MYO9B: variants seen among roughly 807,000 people sequenced by gnomAD.
MYO9B encodes unconventional myosin-IXb.
Under a neutral mutation model 229.5 loss-of-function variants are expected in MYO9B, and 71 were observed. The ratio of observed to expected loss-of-function variants is 0.31; its 90% CI spans 0.26 to 0.38. The LOEUF (loss-of-function observed/expected upper bound fraction) is 0.38, where lower values mean the gene tolerates loss of function less well. Ranked by LOEUF, MYO9B falls within the 10% of genes least tolerant of loss-of-function variation. MYO9B has a pLI of 1.00. For missense variants in MYO9B, 2,255 were observed against 2,920.5 expected (o/e 0.77, Z 5.25); for synonymous variants, 1,185 against 1,235.8 (o/e 0.96, Z 0.86).
At chr19:17,093,703 G>GCA (rs2057661323) in intron 1 of MYO9B, among the ~76,000 whole-genome samples, 14 of 128,540 alleles carry the variant, frequency 1.1e-4, no homozygotes, top group Admixed American at 9.4e-4. Flanking sequence ...TGGGGGGGGG[G>GCA]GTGGTTTGAG....
chr19:17,144,690 CA>C (rs1051970703), intron 2 of MYO9B, among the ~76,000 whole-genome samples: 8 of 151,044 alleles, frequency 5.3e-5, no homozygotes, highest in Admixed American at 2.0e-4. Context: ...AATAAGAGAC[CA>C]GGGGTGGTGG....
intron 19 of MYO9B, among the ~76,000 whole-genome samples, 171 bp downstream of exon 19, chr19:17,188,216 G>A (rs948445075): frequency 5.9e-5 from 9 of 151,792 alleles, no homozygotes; most frequent in East Asian, 3.9e-4. Context: ...ATCACCTGAG[G>A]TCAAGAGTTC....
chr19:17,195,110 G>A lies in MYO9B; in HGVS notation c.3683G>A (p.Gly1228Asp), dbSNP rs1337175887. 2 of 1,612,630 alleles carry A rather than the reference G, an allele frequency of 1.2e-6. No homozygotes were observed. The highest frequency in any genetic ancestry group is 1.7e-6 in the Non-Finnish European group (2 of 1,179,770). The change falls in exon 22 of 40, where the codon GGC becomes GAC. Residue 1228 changes from glycine to aspartate, a missense_variant. Physicochemically the swap from Gly to Asp is moderately conservative, Grantham distance 94. This residue lies in a region of MYO9B where 679 missense variants were observed against 770.2 expected (regional missense o/e 0.88). Transcript: ENST00000682292. This position sits in a 1 kb window ranked among gnomAD's most constrained non-coding sequence, Gnocchi z 4.5. ...PTEQPQAMAV[G>D]KVSEETEKTL... Reference sequence around the variant, plus strand: ...GAGCAACCCCAGGCCATGGCAGTTGGCAAGGTCTCTGAAGAAACTGAGAAG... The same window carrying A: ...GAGCAACCCCAGGCCATGGCAGTTGACAAGGTCTCTGAAGAAACTGAGAAG...
chr19:17,110,190 CG>C (rs1833757345), intron 2 of MYO9B, among the ~76,000 whole-genome samples: 2 of 152,192 alleles, frequency 1.3e-5, no homozygotes, highest in South Asian at 4.1e-4. Flanking sequence ...CCCCGCCCCC[CG>C]CGAGGGTTGC....
intron 2 of MYO9B, among the ~76,000 whole-genome samples, chr19:17,131,688 T>C (rs1028253658): frequency 4.6e-5 from 7 of 152,078 alleles, no homozygotes; most frequent in African/African-American, 1.7e-4. Flanking sequence ...GCCCTCAATG[T>C]CCCTGGTGGG....
chr19:17,192,754 G>A lies in MYO9B; in HGVS notation c.2820G>A (p.Leu940=). Residue 940 remains leucine (L), a synonymous_variant, in exon 21 of 40, where the codon CTG becomes CTA. Coordinates refer to ENST00000682292, the MANE Select transcript of MYO9B (RefSeq NM_004145.4). ...NYQIGKTKVF[L]KETERQALQE... ...GACCCCGTGCCCACCAGGTCTTCCT[G>A]AAGGAGACGGAGCGGCAAGCCCTGC... 6.5e-7 allele frequency: 1 copy of A among 1,542,646 alleles called. No individual in the cohort carries two copies. The highest frequency in any genetic ancestry group is 8.8e-7 in the Non-Finnish European group (1 of 1,142,030).
chr19:17,095,229 T>C (rs977643951), intron 1 of MYO9B, among the ~76,000 whole-genome samples: 8 of 151,744 alleles, frequency 5.3e-5, no homozygotes, highest in Non-Finnish European at 1.0e-4. Flanking sequence ...AGACTGTGTC[T>C]CAAAAAAGAA....
intron 11 of MYO9B, among the ~76,000 whole-genome samples, chr19:17,169,835 A>G (rs1440276630): frequency 2.3e-5 from 2 of 88,234 alleles, no homozygotes; most frequent in Admixed American, 1.6e-4. Context: ...TTTTTTTGAG[A>G]CAGGCTCTTC....
At position 17,194,876 on chromosome 19, in the gene MYO9B, C is replaced by T. The variant is rs1446397492; in HGVS notation, c.3449C>T (p.Ser1150Leu). Residue 1150 changes from serine to leucine, a missense_variant, in exon 22 of 40, where the codon TCG (serine) becomes TTG (leucine). Physicochemically the swap from Ser to Leu is moderately radical, Grantham distance 145. This residue lies in a region of MYO9B where 679 missense variants were observed against 770.2 expected (regional missense o/e 0.88). Coordinates refer to ENST00000682292, the MANE Select transcript of MYO9B (RefSeq NM_004145.4). Reference sequence around the variant, plus strand: ...CCCAGCAGCCGGGAGAAGCGTGAGTCGCGTCGGCAAAGAGGGCTGGAGCAC... The same window carrying T: ...CCCAGCAGCCGGGAGAAGCGTGAGTTGCGTCGGCAAAGAGGGCTGGAGCAC... The part of the protein sequence containing the change: ...KVPSSREKRE[S>L]RRQRGLEHVK... 3.1e-6 allele frequency: 5 copies of T among 1,613,268 alleles called. No individual in the cohort carries two copies. In the East Asian group the frequency reaches 6.7e-5, roughly 22 times the overall value.
intron 3 of MYO9B, among the ~76,000 whole-genome samples, chr19:17,151,816 T>A (rs2072480116): frequency 6.6e-6 from 1 of 152,150 alleles, no homozygotes; most frequent in South Asian, 2.1e-4. Context: ...GAAGATCACT[T>A]GAGCCCAGGA....
chr19:17,173,103 T>C, intron 13 of MYO9B, 140 bp downstream of exon 13: 3 of 1,078,036 alleles, frequency 2.8e-6, no homozygotes, highest in Non-Finnish European at 4.0e-6. Context: ...CCTGAAGTGT[T>C]CCTGTCACCC....
Position 17,209,656 on chromosome 19 carries a change from G to GAGGCTGCAGAGAGTATCGCCTTCCGC in MYO9B, c.5701_5726dup (p.Ser1910GlnfsTer32). 6.2e-7 allele frequency: 1 copy of GAGGCTGCAGAGAGTATCGCCTTCCGC among 1,612,434 alleles called. No individual in the cohort carries two copies. The highest frequency in any genetic ancestry group is 8.5e-7 in the Non-Finnish European group (1 of 1,179,244). Reference sequence around the variant, plus strand: ...GAAGATGGAGGAGATCAGCCAACTGGAGGCTGCAGAGAGTATCGCCTTCCG... The same window carrying GAGGCTGCAGAGAGTATCGCCTTCCGC: ...GAAGATGGAGGAGATCAGCCAACTGGAGGCTGCAGAGAGTATCGCCTTCCGCAGGCTGCAGAGAGTATCGCCTTCCG... On this transcript the variant is annotated frameshift_variant, in exon 36 of 40. Transcript: ENST00000682292. LOFTEE classifies it high-confidence loss of function.
chr19:17,113,678 A>G (rs1237369112), intron 2 of MYO9B, among the ~76,000 whole-genome samples: 3 of 152,158 alleles, frequency 2.0e-5, no homozygotes, highest in Non-Finnish European at 4.4e-5. Context: ...AAGCGAAGAT[A>G]GAATCAATCT....
chr19:17,212,417 A>G lies in MYO9B; in HGVS notation c.*107A>G, dbSNP rs2073242361. On this transcript the variant is annotated 3_prime_UTR_variant, in exon 40 of 40. Coordinates refer to ENST00000682292, the MANE Select transcript of MYO9B (RefSeq NM_004145.4). The surrounding 1 kb of genome is among the most constrained non-coding windows in gnomAD (Gnocchi z 5.4). ...GGCCCTCAGAGAAGGATCCAGAATC[A>G]AAAGCTCAAGAGTGACGTGAGGTGG... The G allele has an allele frequency of 6.1e-6, 8 of 1,321,666 alleles. No homozygotes were observed. Among genetic ancestry groups the G allele is most frequent in the Non-Finnish European group, 7.9e-6 (8 of 1,009,552 alleles). 81.9% of individuals were successfully genotyped at this position (1,321,666 alleles called of 1,614,324 possible).
Position 17,206,022 on chromosome 19 carries a change from G to A in MYO9B, c.5127G>A (p.Lys1709=). The A allele has an allele frequency of 6.2e-7, 1 of 1,607,284 alleles. No homozygotes were observed. The change falls in exon 32 of 40, where the codon AAG becomes AAA. Residue 1709 remains lysine, a synonymous_variant. Coordinates refer to ENST00000682292, the MANE Select transcript of MYO9B (RefSeq NM_004145.4). ...GVCVDSLTSD[K]ASVPIVLEKL... ...GCGTAGACAGCCTGACCAGCGACAA[G>A]GCCTCGGTGCCCATCGTGCTGGAGA...
intron 6 of MYO9B, among the ~76,000 whole-genome samples, chr19:17,155,311 C>G (rs997045954): frequency 3.9e-5 from 6 of 151,944 alleles, no homozygotes; most frequent in Non-Finnish European, 7.4e-5. Context: ...ACCTCAGCCT[C>G]CCAAGCAGCT....
intron 2 of MYO9B, among the ~76,000 whole-genome samples, chr19:17,137,630 G>T (rs948837964): frequency 1.3e-5 from 2 of 152,156 alleles, no homozygotes; most frequent in African/African-American, 4.8e-5. Context: ...TCCTTGAGTA[G>T]TGTGACCCGC....
intron 2 of MYO9B, among the ~76,000 whole-genome samples, chr19:17,137,873 G>C (rs1010354777): frequency 4.6e-5 from 7 of 150,868 alleles, no homozygotes; most frequent in Non-Finnish European, 1.5e-5. Context: ...CAAAGTAACT[G>C]GAACTACAGG....
At chr19:17,092,722 CAAAA>C (rs3067821) in intron 1 of MYO9B, among the ~76,000 whole-genome samples, 33 of 97,620 alleles carry the variant, frequency 3.4e-4, no homozygotes, top group East Asian at 6.2e-4. Context: ...AAGGCTCCGT[CAAAA>C]AAAAAAAAAA....
Sources: gnomAD v4.1 joint callset for allele counts (sites outside exome capture counted in the v4.1 genomes callset) on GRCh38, gnomAD v4.1.1 for gene constraint, gnomAD v4.1.1 regional missense constraint, Gnocchi (gnomAD v3.1) non-coding constraint, MANE v1.5 for transcripts, NCBI Gene and HGNC (gene_info 2026-07-23, HGNC 2026-07-21) for gene names.